Variants in SGCZ observed in about 807,000 individuals in gnomAD.
SGCZ encodes the protein zeta-sarcoglycan.
Under a neutral mutation model 41.3 loss-of-function variants are expected in SGCZ, and 40 were observed. The observed-to-expected ratio is 0.97, with a 90% CI of 0.75 to 1.26. The LOEUF (loss-of-function observed/expected upper bound fraction) is 1.26, where lower values mean the gene tolerates loss of function less well. Ranked by LOEUF, SGCZ falls within the 50% of genes most tolerant of loss-of-function variation. The pLI is 0.00. For synonymous variants in SGCZ, 206 were observed against 137.5 expected, an observed-to-expected ratio of 1.50 and a Z score of -3.49; for missense variants, 552 against 369.8, an observed-to-expected ratio of 1.49 and a Z score of -4.04.
At chr8:14,747,338 A>G (rs1418429084) in intron 1 of SGCZ, among the ~76,000 whole-genome samples, 2 of 152,134 alleles carry the variant, frequency 1.3e-5, no homozygotes, top group African/African-American at 4.8e-5. Flanking sequence ...CAGTGGCTGA[A>G]GCTTTAAGAT....
At chr8:14,122,062 A>C (rs1802713053) in intron 5 of SGCZ, among the ~76,000 whole-genome samples, 1 of 152,128 alleles carries the variant, frequency 6.6e-6, no homozygotes, top group Non-Finnish European at 1.5e-5. Context: ...GCAGATCCCA[A>C]GGTCAGGAGA....
At chr8:14,441,001 C>T (rs563411466) in intron 2 of SGCZ, among the ~76,000 whole-genome samples, 8 of 151,992 alleles carry the variant, frequency 5.3e-5, no homozygotes, top group South Asian at 2.1e-4. Context: ...TGTGTGATTG[C>T]GTTGACTGAG....
At chr8:14,314,601 A>C (rs1801654698) in intron 3 of SGCZ, among the ~76,000 whole-genome samples, 1 of 152,164 alleles carries the variant, frequency 6.6e-6, no homozygotes, top group Non-Finnish European at 1.5e-5. Context: ...TGTAAATTGC[A>C]AAGTTTAATG....
chr8:14,909,305 C>T (rs768313245), intron 1 of SGCZ, among the ~76,000 whole-genome samples: 1 of 152,146 alleles, frequency 6.6e-6, no homozygotes, highest in African/African-American at 2.4e-5. Flanking sequence ...GTCTACCTGG[C>T]CAAATACATC....
intron 4 of SGCZ, among the ~76,000 whole-genome samples, chr8:14,191,374 C>T (rs570813282): frequency 5.4e-4 from 82 of 152,196 alleles, no homozygotes; most frequent in African/African-American, 1.9e-3. Context: ...CTGTTGCCTG[C>T]GCCATATGAC....
intron 1 of SGCZ, among the ~76,000 whole-genome samples, chr8:14,592,956 T>C (rs985062272): frequency 6.6e-6 from 1 of 152,202 alleles, no homozygotes; most frequent in Non-Finnish European, 1.5e-5. Context: ...GTTTCTCTAC[T>C]GTGTGAAACT....
chr8:14,502,558 C>A (rs1231146873), intron 2 of SGCZ, among the ~76,000 whole-genome samples: 8 of 151,986 alleles, frequency 5.3e-5, no homozygotes, highest in African/African-American at 1.9e-4. Flanking sequence ...ATCTATCCAT[C>A]TGACAAAGGG....
At chr8:14,287,320 G>T (rs1019246624) in intron 3 of SGCZ, among the ~76,000 whole-genome samples, 1 of 151,860 alleles carries the variant, frequency 6.6e-6, no homozygotes, top group Non-Finnish European at 1.5e-5. Context: ...GGTGTTATGT[G>T]TCAGTTTAAG....
intron 1 of SGCZ, among the ~76,000 whole-genome samples, chr8:14,753,482 T>C (rs1414748713): frequency 6.6e-6 from 1 of 152,176 alleles, no homozygotes; most frequent in Non-Finnish European, 1.5e-5. Context: ...ATTTTTCAAA[T>C]ATGCATAAGC....
intron 3 of SGCZ, among the ~76,000 whole-genome samples, chr8:14,323,854 A>G (rs2117031636): frequency 6.6e-6 from 1 of 152,178 alleles, no homozygotes; most frequent in South Asian, 2.1e-4. Flanking sequence ...GAAAATAGAG[A>G]GGCACATTTT....
chr8:14,984,750 C>G (rs143192150), intron 1 of SGCZ, among the ~76,000 whole-genome samples: 2,231 of 152,222 alleles, frequency 0.015, 21 homozygotes, highest in Middle Eastern at 0.031. Flanking sequence ...TTCCAAGACA[C>G]TTTTAATCAT....
chr8:14,613,387 AT>A, intron 1 of SGCZ, among the ~76,000 whole-genome samples: 2 of 152,182 alleles, frequency 1.3e-5, no homozygotes, highest in East Asian at 3.9e-4. Context: ...AACAAAAGAA[AT>A]AGCAAAATAC....
intron 1 of SGCZ, among the ~76,000 whole-genome samples, chr8:14,628,013 C>T (rs1175996162): frequency 6.6e-6 from 1 of 152,052 alleles, no homozygotes; most frequent in Non-Finnish European, 1.5e-5. Flanking sequence ...CCCAGTTTAT[C>T]CCTATTATAT....
chr8:14,164,603 C>G lies in SGCZ; in HGVS notation c.524G>C (p.Gly175Ala). The change falls in exon 5 of 8, where the codon GGG (glycine) becomes GCG (alanine). Residue 175 changes from glycine (G) to alanine (A), a missense_variant. Transcript: ENST00000382080. ...ACCTGTAACTTTCAGCTTTTCAGCC[C>G]CAATGGTAATCTCATCTTCATCTGC... ...FSADEDEITI[G>A]AEKLKVTGTE... 2 of 1,613,406 alleles carry G rather than the reference C, an allele frequency of 1.2e-6. No homozygotes were observed. Among genetic ancestry groups the G allele is most frequent in the Non-Finnish European group, 1.7e-6 (2 of 1,179,602 alleles).
intron 2 of SGCZ, among the ~76,000 whole-genome samples, chr8:14,348,651 A>C (rs906827362): frequency 1.3e-5 from 2 of 152,178 alleles, no homozygotes; most frequent in Non-Finnish European, 2.9e-5. Flanking sequence ...GGTATGGCTT[A>C]TTCTCCCAAG....
intron 3 of SGCZ, among the ~76,000 whole-genome samples, chr8:14,279,713 T>C (rs1392410744): frequency 6.6e-6 from 1 of 152,020 alleles, no homozygotes; most frequent in Non-Finnish European, 1.5e-5. Context: ...AGACTACACA[T>C]GAAAGCAAAT....
chr8:15,132,394 T>A (rs552697046), intron 1 of SGCZ, among the ~76,000 whole-genome samples: 1 of 152,276 alleles, frequency 6.6e-6, no homozygotes, highest in South Asian at 2.1e-4. Flanking sequence ...CAATCTCCCC[T>A]TATACCAAAT....
chr8:14,458,772 T>C (rs1257480116), intron 2 of SGCZ, among the ~76,000 whole-genome samples: 1 of 152,160 alleles, frequency 6.6e-6, no homozygotes, highest in Admixed American at 6.6e-5. Flanking sequence ...CTAGTAGCAA[T>C]GATACCCCAG....
intron 2 of SGCZ, among the ~76,000 whole-genome samples, chr8:14,333,652 A>G (rs1802412532): frequency 6.6e-6 from 1 of 152,146 alleles, no homozygotes; most frequent in Non-Finnish European, 1.5e-5. Context: ...ACTGTGTCTA[A>G]TACAGAGGTC....
Sources: allele counts gnomAD v4.1 joint callset (sites outside exome capture counted in the v4.1 genomes callset), GRCh38; gene constraint gnomAD v4.1.1; transcripts MANE v1.5; gene names NCBI Gene and HGNC (gene_info 2026-07-23, HGNC 2026-07-21).